Variants in SULF1 observed in about 807,000 individuals in gnomAD.
SULF1 encodes extracellular sulfatase Sulf-1.
Under a neutral mutation model 110.5 loss-of-function variants are expected in SULF1, and 46 were observed. The ratio of observed to expected loss-of-function variants is 0.42; its 90% CI spans 0.33 to 0.53. The LOEUF (loss-of-function observed/expected upper bound fraction) is 0.53, where lower values mean the gene tolerates loss of function less well. Ranked by LOEUF, SULF1 falls within the 20% of genes least tolerant of loss-of-function variation. SULF1 has a pLI of 0.12. For synonymous variants in SULF1, 371 were observed against 387.1 expected, an observed-to-expected ratio of 0.96 and a Z score of 0.49; for missense variants, 941 against 1,094.2, an observed-to-expected ratio of 0.86 and a Z score of 1.98.
intron 3 of SULF1, among the ~76,000 whole-genome samples, chr8:69,558,002 A>T (rs1028402996): frequency 6.6e-6 from 1 of 152,226 alleles, no homozygotes; most frequent in African/African-American, 2.4e-5. Context: ...TAGACCAGGA[A>T]ACAGGCTTTC....
At chr8:69,648,466 G>A (rs1278135988) in intron 22 of SULF1, among the ~76,000 whole-genome samples, 1 of 152,206 alleles carries the variant, frequency 6.6e-6, no homozygotes, top group African/African-American at 2.4e-5. Flanking sequence ...CCATAATGGA[G>A]GGGTTCACAC....
intron 3 of SULF1, among the ~76,000 whole-genome samples, chr8:69,530,967 C>T (rs1813040888): frequency 6.6e-6 from 1 of 152,218 alleles, no homozygotes; most frequent in Non-Finnish European, 1.5e-5. Context: ...AGCACTTTCA[C>T]ACCTGGGCCA....
rs764303569 is a variant in SULF1, at chr8:69,658,471, C to T, written c.2586-34C>T. The T allele has an allele frequency of 6.6e-6, 10 of 1,521,866 alleles. 1 individual carries two copies. In the South Asian group the frequency reaches 7.7e-5, roughly 12 times the overall value. The allele number at this position is 1,521,866 out of a possible 1,614,324, so 94.3% of individuals were successfully genotyped here. A position where few individuals can be genotyped will look rare whatever the true frequency, so the allele number is the denominator to read the frequency against. On this transcript the variant is annotated intron_variant, in intron 22 of 22. Coordinates refer to ENST00000402687, the MANE Select transcript of SULF1 (RefSeq NM_001128205.2). ...CCAGGTAAGTAGAAAGCCTTTTCTC[C>T]ACTAATGATTCACCTTCTTCTCTCT...
chr8:69,526,599 CA>C (rs3059929), intron 3 of SULF1, among the ~76,000 whole-genome samples: 19,722 of 136,466 alleles, frequency 0.14, 2,138 homozygotes, highest in East Asian at 0.56. Flanking sequence ...GTATCTCTAC[CA>C]AAAAAAAAAA....
intron 13 of SULF1, among the ~76,000 whole-genome samples, chr8:69,616,832 C>T (rs1190818556): frequency 1.3e-5 from 2 of 151,646 alleles, no homozygotes; most frequent in East Asian, 1.9e-4. Flanking sequence ...GGATTACAGG[C>T]GTGAGCCACC....
intron 22 of SULF1, among the ~76,000 whole-genome samples, chr8:69,651,411 T>G: frequency 6.6e-6 from 1 of 152,190 alleles, no homozygotes; most frequent in East Asian, 1.9e-4. Context: ...AGTGACCTAA[T>G]GCTTCCAATA....
intron 3 of SULF1, among the ~76,000 whole-genome samples, chr8:69,527,282 G>A (rs1008868111): frequency 1.3e-5 from 2 of 152,052 alleles, no homozygotes; most frequent in Non-Finnish European, 2.9e-5. Flanking sequence ...AAGATGTCAA[G>A]AGAAAATAAC....
At chr8:69,489,746 T>C (rs1809848893), upstream of SULF1, among the ~76,000 whole-genome samples, 2 of 151,604 alleles carry the variant, frequency 1.3e-5, no homozygotes, top group African/African-American at 4.8e-5. Context: ...CCAGCTAATT[T>C]CTTGTATTTT....
chr8:69,610,822 A>T (rs1475280710), intron 13 of SULF1, among the ~76,000 whole-genome samples: 1 of 152,148 alleles, frequency 6.6e-6, no homozygotes. Flanking sequence ...GTCCTCCTCT[A>T]TGTTTCTTAA....
At chr8:69,540,859 T>C (rs920143632) in intron 3 of SULF1, among the ~76,000 whole-genome samples, 1 of 152,226 alleles carries the variant, frequency 6.6e-6, no homozygotes, top group Admixed American at 6.5e-5. Flanking sequence ...AAATTCTAGA[T>C]GACTGCAGGC....
At chr8:69,638,362 T>C in intron 19 of SULF1, 140 bp from the exon 20 acceptor site, 1 of 1,007,896 alleles carries the variant, frequency 9.9e-7, no homozygotes, top group South Asian at 1.6e-5. Context: ...GTATTATTAT[T>C]CTTAACATGA....
chr8:69,552,645 T>G (rs1398551069), intron 3 of SULF1, among the ~76,000 whole-genome samples: 2 of 152,180 alleles, frequency 1.3e-5, no homozygotes, highest in African/African-American at 2.4e-5. Flanking sequence ...TAACTACAGT[T>G]TTACAGGATT....
intron 1 of SULF1, among the ~76,000 whole-genome samples, chr8:69,478,601 T>C (rs896328533): frequency 6.6e-6 from 1 of 152,210 alleles, no homozygotes; most frequent in African/African-American, 2.4e-5. Flanking sequence ...AAAGAAAGAC[T>C]CAAGCCTCAT....
chr8:69,631,392 C>G (rs1810535244), intron 19 of SULF1, among the ~76,000 whole-genome samples: 1 of 152,158 alleles, frequency 6.6e-6, no homozygotes. Flanking sequence ...TGGTCCTCAC[C>G]AGTCCATCCT....
intron 3 of SULF1, among the ~76,000 whole-genome samples, chr8:69,554,233 G>C (rs1814926679): frequency 6.6e-6 from 1 of 152,166 alleles, no homozygotes; most frequent in African/African-American, 2.4e-5. Flanking sequence ...GAACACCCCT[G>C]GGTGTTTGTA....
intron 10 of SULF1, among the ~76,000 whole-genome samples, chr8:69,602,150 G>A (rs902393324): frequency 1.1e-4 from 17 of 151,774 alleles, no homozygotes; most frequent in African/African-American, 4.1e-4. Context: ...TCAGAGATAC[G>A]CTGTCATTTA....
chr8:69,598,424 C>T (rs1213078799), intron 8 of SULF1, among the ~76,000 whole-genome samples: 3 of 152,170 alleles, frequency 2.0e-5, no homozygotes, highest in Admixed American at 6.5e-5. Context: ...TAGAGTCTCG[C>T]TCTGTTACCC....
intron 3 of SULF1, among the ~76,000 whole-genome samples, chr8:69,511,813 AT>A (rs1374588280): frequency 6.6e-6 from 1 of 152,144 alleles, no homozygotes; most frequent in Non-Finnish European, 1.5e-5. Context: ...TTATCAGAAC[AT>A]TTTTTACTGG....
At chr8:69,502,809 T>A (rs1038055464) in intron 3 of SULF1, among the ~76,000 whole-genome samples, 2 of 151,196 alleles carry the variant, frequency 1.3e-5, no homozygotes, top group African/African-American at 4.9e-5. Context: ...TGCCTCAGCC[T>A]CCCGATTAGC....
Sources: allele counts gnomAD v4.1 joint callset (sites outside exome capture counted in the v4.1 genomes callset), GRCh38; gene constraint gnomAD v4.1.1; transcripts MANE v1.5; gene names NCBI Gene and HGNC (gene_info 2026-07-23, HGNC 2026-07-21).